FIRRM: variants seen among roughly 807,000 people sequenced by gnomAD.
FIRRM encodes FIGNL1-interacting regulator of recombination and mitosis.
the FIRRM span, among the ~76,000 whole-genome samples, chr1:169,839,147 A>G: frequency 6.6e-6 from 1 of 152,206 alleles, no homozygotes; most frequent in Non-Finnish European, 1.5e-5. Context: ...TCCATGGTAT[A>G]TATGTACCAC....
At chr1:169,803,167 A>G in the FIRRM span, 4 of 1,612,476 alleles carry the variant, frequency 2.5e-6, no homozygotes, top group Non-Finnish European at 3.4e-6. Flanking sequence ...CCTTATTCAC[A>G]GACAATGGTG....
chr1:169,832,622 A>G, the FIRRM span: 1 of 753,362 alleles, frequency 1.3e-6, no homozygotes, highest in Non-Finnish European at 2.2e-6. Flanking sequence ...ATTTTTTTTG[A>G]GACAGAGTCT....
the FIRRM span, chr1:169,830,631 A>G: frequency 6.8e-7 from 1 of 1,472,492 alleles, no homozygotes; most frequent in Middle Eastern, 1.7e-4. Flanking sequence ...TGCTTTATGC[A>G]AGTTCATCTC....
At chr1:169,823,509 AT>A in the FIRRM span, 2 of 1,365,290 alleles carry the variant, frequency 1.5e-6, no homozygotes, top group Non-Finnish European at 1.0e-6. Flanking sequence ...AGATACAACA[AT>A]GCCATCTGTG....
the FIRRM span, among the ~76,000 whole-genome samples, chr1:169,831,906 G>A: frequency 2.0e-5 from 3 of 152,012 alleles, no homozygotes; most frequent in African/African-American, 7.3e-5. Flanking sequence ...ACAGGCATGC[G>A]CCACTATGCC....
chr1:169,813,673 A>G, the FIRRM span, among the ~76,000 whole-genome samples: 4 of 152,232 alleles, frequency 2.6e-5, no homozygotes, highest in African/African-American at 9.6e-5. Flanking sequence ...CGGTATGTCC[A>G]CAGAAAAAGG....
chr1:169,796,226 T>TC, the FIRRM span, among the ~76,000 whole-genome samples: 3 of 152,164 alleles, frequency 2.0e-5, no homozygotes, highest in Admixed American at 2.0e-4. Context: ...TCAAGGAGTT[T>TC]CAACTTGAAA....
At chr1:169,795,083 C>G in the FIRRM span, 1 of 1,527,728 alleles carries the variant, frequency 6.5e-7, no homozygotes, top group Non-Finnish European at 8.8e-7. Context: ...TGGTTTGAAG[C>G]TCTCCTGTTT....
At chr1:169,800,715 C>CTCT in the FIRRM span, among the ~76,000 whole-genome samples, 9 of 136,924 alleles carry the variant, frequency 6.6e-5, no homozygotes, top group African/African-American at 2.4e-4. Context: ...TCCTTTCTCT[C>CTCT]TTTTTTTTTT....
the FIRRM span, among the ~76,000 whole-genome samples, chr1:169,805,376 T>C: frequency 6.6e-6 from 1 of 152,224 alleles, no homozygotes; most frequent in Non-Finnish European, 1.5e-5. Context: ...GTTCACCCTA[T>C]CTCAGATACC....
At chr1:169,808,462 A>G in the FIRRM span, among the ~76,000 whole-genome samples, 3 of 152,120 alleles carry the variant, frequency 2.0e-5, no homozygotes, top group Admixed American at 6.5e-5. Context: ...TTGTAGTACG[A>G]TTATTGGGAA....
At chr1:169,827,719 T>C in the FIRRM span, 2 of 1,613,964 alleles carry the variant, frequency 1.2e-6, no homozygotes, top group African/African-American at 1.3e-5. Flanking sequence ...AGACCTGCCA[T>C]GTGAACTGCA....
At chr1:169,804,432 C>T in the FIRRM span, 3 of 341,098 alleles carry the variant, frequency 8.8e-6, no homozygotes, top group South Asian at 1.3e-4. Flanking sequence ...CCTAGATTTG[C>T]GTATTTAGTT....
chr1:169,785,321 A>C, the FIRRM span, among the ~76,000 whole-genome samples: 1 of 152,244 alleles, frequency 6.6e-6, no homozygotes, highest in Non-Finnish European at 1.5e-5. Context: ...CATGTGTTAC[A>C]GTGCACTCTT....
At chr1:169,849,781 G>C in the FIRRM span, 47 of 593,582 alleles carry the variant, frequency 7.9e-5, no homozygotes, top group Non-Finnish European at 1.2e-4. Context: ...TTAGATAAAT[G>C]AAGTGAATTT....
chr1:169,817,495 A>T, the FIRRM span, among the ~76,000 whole-genome samples: 1 of 152,240 alleles, frequency 6.6e-6, no homozygotes, highest in Non-Finnish European at 1.5e-5. Context: ...TGTTTCCCAT[A>T]ATTTTGGAAC....
chr1:169,829,536 T>G, the FIRRM span: 3 of 1,260,630 alleles, frequency 2.4e-6, 1 homozygote, highest in South Asian at 3.3e-5. Context: ...GAAGAAAATG[T>G]GGGAATACTT....
the FIRRM span, chr1:169,829,461 A>G: frequency 6.3e-7 from 1 of 1,599,686 alleles, no homozygotes; most frequent in Non-Finnish European, 8.5e-7. Flanking sequence ...TAAGCATATT[A>G]CTTACTGTGC....
chr1:169,806,131 C>CAT, the FIRRM span: 2 of 1,114,914 alleles, frequency 1.8e-6, no homozygotes, highest in African/African-American at 1.6e-5. Flanking sequence ...AAATGTTTTC[C>CAT]ATATTCCCCA....
Sources: allele counts gnomAD v4.1 joint callset (sites outside exome capture counted in the v4.1 genomes callset), GRCh38; gene constraint gnomAD v4.1.1; transcripts MANE v1.5; gene names NCBI Gene and HGNC (gene_info 2026-07-23, HGNC 2026-07-21).